Variants in EPG5 observed in about 807,000 individuals in gnomAD.
EPG5 encodes ectopic P granules protein 5 homolog.
Under a neutral mutation model 302.7 loss-of-function variants are expected in EPG5, and 159 were observed. The observed-to-expected ratio is 0.53, with a 90% CI of 0.46 to 0.60. The LOEUF (loss-of-function observed/expected upper bound fraction) is 0.60. Among genes scored for constraint, EPG5 ranks in the 20% least tolerant of loss-of-function variants. The pLI, the probability that EPG5 is intolerant of heterozygous loss-of-function variation, is 0.00. For missense variants in EPG5, 2,896 were observed against 3,092.4 expected, an observed-to-expected ratio of 0.94 and a Z score of 1.51; for synonymous variants, 1,158 against 1,136.8, an observed-to-expected ratio of 1.02 and a Z score of -0.37.
intron 6 of EPG5, among the ~76,000 whole-genome samples, chr18:45,947,705 C>CTT (rs2050816817): frequency 6.6e-6 from 1 of 152,176 alleles, no homozygotes. Flanking sequence ...GTGTTGGGGC[C>CTT]TTTGCTCACA....
At position 45,858,555 on chromosome 18, in the gene EPG5, G is replaced by A. The variant is rs910804007; in HGVS notation, c.7226+11C>T. ...AGCAAGTTTGATGTAACAGCCTGAG[G>A]GCCAACGTACCTTGGGTACACCTGT... On this transcript the variant is annotated intron_variant, in intron 41 of 43. Coordinates refer to ENST00000282041, the MANE Select transcript of EPG5 (RefSeq NM_020964.3). 6 of 1,609,006 alleles carry A rather than the reference G, an allele frequency of 3.7e-6. No homozygotes were observed. Among genetic ancestry groups the A allele is most frequent in the Middle Eastern group, 1.7e-4 (1 of 6,044 alleles).
the EPG5 span, chr18:45,837,395 T>C: frequency 7.4e-7 from 1 of 1,351,718 alleles, no homozygotes; most frequent in East Asian, 2.8e-5. Flanking sequence ...CCCTGAGTCC[T>C]GGGGTTTCCA....
intron 12 of EPG5, 113 bp from the exon 13 acceptor site, chr18:45,929,122 T>C (rs1484544530): frequency 1.1e-5 from 12 of 1,117,848 alleles, no homozygotes; most frequent in South Asian, 1.6e-5. Flanking sequence ...TGAGCCTTAA[T>C]TGACACTATG....
chr18:45,841,522 C>G, the EPG5 span, among the ~76,000 whole-genome samples: 1 of 152,066 alleles, frequency 6.6e-6, no homozygotes, highest in East Asian at 1.9e-4. Flanking sequence ...GGTTGCAGGC[C>G]GTTGGCAAGG....
At chr18:45,832,346 GTTATATAACTTGCCCA>G in the EPG5 span, among the ~76,000 whole-genome samples, 1 of 147,036 alleles carries the variant, frequency 6.8e-6, no homozygotes. Context: ...AAAGTCTGAT[GTTATATAACTTGCCCA>G]AAGATCACCC....
downstream of EPG5, among the ~76,000 whole-genome samples, chr18:45,847,201 G>T (rs1053450504): frequency 6.6e-6 from 1 of 152,216 alleles, no homozygotes; most frequent in Non-Finnish European, 1.5e-5. Context: ...TCTTACAAAT[G>T]TGAGTGAAAA....
chr18:45,836,203 A>G, the EPG5 span, among the ~76,000 whole-genome samples: 10 of 151,994 alleles, frequency 6.6e-5, no homozygotes, highest in East Asian at 1.9e-3. Context: ...GAAAAGTCAT[A>G]TTTCTCCCAT....
chr18:45,808,815 A>G, the EPG5 span, among the ~76,000 whole-genome samples: 3 of 65,180 alleles, frequency 4.6e-5, no homozygotes, highest in African/African-American at 3.3e-4. Context: ...CAAAAATACA[A>G]TTAAAAAATA....
intron 22 of EPG5, among the ~76,000 whole-genome samples, chr18:45,911,153 G>C (rs904217730): frequency 1.5e-5 from 2 of 136,606 alleles, no homozygotes; most frequent in African/African-American, 5.6e-5. Flanking sequence ...ACAGAGTCTC[G>C]CTCTGTCACC....
chr18:45,842,027 C>A, the EPG5 span: 1 of 1,303,722 alleles, frequency 7.7e-7, no homozygotes, highest in Non-Finnish European at 1.1e-6. Flanking sequence ...CTCTTCTTGG[C>A]CCACTGCTGG....
intron 7 of EPG5, among the ~76,000 whole-genome samples, chr18:45,945,566 G>T (rs768222157): frequency 6.6e-6 from 1 of 152,038 alleles, no homozygotes; most frequent in Admixed American, 6.6e-5. Flanking sequence ...TATTTATAAC[G>T]CCTAATCATT....
chr18:45,943,486 C>T (rs1030561801), intron 8 of EPG5, among the ~76,000 whole-genome samples, 175 bp from the exon 9 acceptor site: 1 of 152,112 alleles, frequency 6.6e-6, no homozygotes. Context: ...AGACAATGTG[C>T]CAAATTAAAA....
intron 30 of EPG5, among the ~76,000 whole-genome samples, chr18:45,883,622 T>G (rs967095908): frequency 0.076 from 9,760 of 128,110 alleles, 894 homozygotes; most frequent in African/African-American, 0.14. Context: ...GTGTTTTTTT[T>G]TTTTTTTTTT....
chr18:45,889,655 T>G (rs550074949), intron 28 of EPG5, 143 bp downstream of exon 28: 1 of 569,114 alleles, frequency 1.8e-6, no homozygotes, highest in Admixed American at 3.4e-5. Context: ...CAGGCCAGAT[T>G]TGACTCAAAG....
chr18:45,917,588 C>T, intron 17 of EPG5, 91 bp downstream of exon 17: 1 of 1,505,088 alleles, frequency 6.6e-7, no homozygotes, highest in Non-Finnish European at 9.1e-7. Context: ...ATAGCATTCC[C>T]TTTATTTTAC....
chr18:45,841,068 A>G, the EPG5 span: 1 of 152,294 alleles, frequency 6.6e-6, no homozygotes, highest in Non-Finnish European at 1.5e-5. Context: ...CCTATTGTGG[A>G]GAATTTTAAT....
intron 2 of EPG5, chr18:45,953,432 C>T: frequency 1.0e-6 from 1 of 985,322 alleles, no homozygotes; most frequent in Non-Finnish European, 1.2e-6. Flanking sequence ...AAATATTTCC[C>T]TCCTTACTAT....
rs2050708250 is a variant in EPG5, at chr18:45,943,176, A to G, written c.1928T>C (p.Ile643Thr). The G allele has an allele frequency of 6.2e-7, 1 of 1,614,154 alleles. No homozygotes were observed. The highest frequency in any genetic ancestry group is 8.5e-7 in the Non-Finnish European group (1 of 1,180,024). Residue 643 changes from isoleucine to threonine, a missense_variant, in exon 9 of 44, where the codon ATT becomes ACT. Physicochemically the swap from Ile to Thr is moderately conservative, Grantham distance 89. Around this residue, in one of 5 missense-constraint regions of EPG5, gnomAD observed 1,390 missense variants for 1,430.0 expected, o/e 0.97. Coordinates refer to ENST00000282041, the MANE Select transcript of EPG5 (RefSeq NM_020964.3). ...GCAGTATTACCTGATCATATAACCA[A>G]TTCGCTTCACAAACTGCCTATAGCG... is the stretch of plus-strand genomic sequence containing the variant. ...RARYRQFVKR[I>T]GYMIRMTLGY... is the part of the protein sequence containing the mutation.
chr18:45,857,155 G>C (rs1285232997), intron 42 of EPG5, among the ~76,000 whole-genome samples: 2 of 151,800 alleles, frequency 1.3e-5, no homozygotes, highest in East Asian at 3.9e-4. Context: ...TGTCACCTAG[G>C]CTGGAGTGCA....
Sources: gnomAD v4.1 joint callset for allele counts (sites outside exome capture counted in the v4.1 genomes callset) on GRCh38, gnomAD v4.1.1 for gene constraint, gnomAD v4.1.1 regional missense constraint, MANE v1.5 for transcripts, NCBI Gene and HGNC (gene_info 2026-07-23, HGNC 2026-07-21) for gene names.